PXK: variants seen among roughly 807,000 people sequenced by gnomAD.
PXK encodes PX domain-containing protein kinase-like protein.
Under a neutral mutation model 84.7 loss-of-function variants are expected in PXK, and 35 were observed. That is an observed-to-expected ratio of 0.41 (90% CI 0.32 to 0.55). The LOEUF (loss-of-function observed/expected upper bound fraction) is 0.55. Ranked by LOEUF, PXK falls within the 20% of genes least tolerant of loss-of-function variation. The pLI is 0.21. For missense variants in PXK, 634 were observed against 699.7 expected (o/e 0.91, Z 1.06); for synonymous variants, 253 against 260.8 (o/e 0.97, Z 0.29).
intron 1 of PXK, among the ~76,000 whole-genome samples, chr3:58,350,886 A>G (rs1484723093): frequency 6.6e-6 from 1 of 152,164 alleles, no homozygotes; most frequent in Non-Finnish European, 1.5e-5. Flanking sequence ...AGTAGGAAGG[A>G]TAGATTTATA....
intron 17 of PXK, among the ~76,000 whole-genome samples, chr3:58,415,349 G>A (rs9869276): frequency 0.07 from 10,693 of 152,232 alleles, 478 homozygotes; most frequent in South Asian, 0.1. Flanking sequence ...ACTTTTGACC[G>A]GCCAGCTTCA....
chr3:58,336,075 T>A (rs199895764), intron 1 of PXK, among the ~76,000 whole-genome samples: 4,592 of 43,748 alleles, frequency 0.1, 63 homozygotes, highest in East Asian at 0.13. Context: ...ATATATATTT[T>A]TTTTTTTTTT....
Position 58,400,608 on chromosome 3 carries a change from A to G in PXK, c.1181+1231A>G, listed in dbSNP as rs909250195. 6.6e-6 allele frequency among the ~76,000 whole-genome samples: 1 copy of G among 152,186 alleles called. No homozygotes were observed. The highest frequency in any genetic ancestry group is 2.4e-5 in the African/African-American group (1 of 41,446). ...AGCGTCTGTCGCCAAACCAGCAACCATTAATAATAATGTAATAATGTGGGC... is the reference window on the plus strand; with the variant it reads ...AGCGTCTGTCGCCAAACCAGCAACCGTTAATAATAATGTAATAATGTGGGC... On this transcript the variant is annotated intron_variant, in intron 12 of 17. Coordinates refer to ENST00000356151, the MANE Select transcript of PXK (RefSeq NM_017771.5). The surrounding 1 kb of genome is among the most constrained non-coding windows in gnomAD (Gnocchi z 4.0).
At chr3:58,386,079 G>A (rs755525991) in intron 4 of PXK, among the ~76,000 whole-genome samples, 7 of 152,120 alleles carry the variant, frequency 4.6e-5, no homozygotes, top group Non-Finnish European at 1.0e-4. Flanking sequence ...GCCTGGGACT[G>A]CTGAGCCTTT....
Position 58,333,288 on chromosome 3 carries a change from G to C in PXK, c.102+198G>C, listed in dbSNP as rs1176350953. 3.8e-6 allele frequency: 1 copy of C among 266,106 alleles called. No individual in the cohort carries two copies. Among genetic ancestry groups the C allele is most frequent in the East Asian group, 1.1e-4 (1 of 9,150 alleles). The allele number at this position is 266,106 out of a possible 1,614,324, so 16.5% of individuals were successfully genotyped here. A position where few individuals can be genotyped will look rare whatever the true frequency, so the allele number is the denominator to read the frequency against. ...GGGCCCAGGCGAACGCTGAGGCCCG[G>C]AGGGGCCAAGGATGGGGACCGCAGC... On this transcript the variant is annotated intron_variant, in intron 1 of 17. Transcript: ENST00000356151. The surrounding 1 kb of genome is among the most constrained non-coding windows in gnomAD (Gnocchi z 5.4).
At chr3:58,343,939 G>A (rs997519055) in intron 1 of PXK, among the ~76,000 whole-genome samples, 6 of 152,178 alleles carry the variant, frequency 3.9e-5, no homozygotes, top group Non-Finnish European at 8.8e-5. Context: ...GAGTATATCT[G>A]CCTCAAAGGT....
chr3:58,399,483 A>G lies in PXK; in HGVS notation c.1181+106A>G. On this transcript the variant is annotated intron_variant, in intron 12 of 17. Transcript: ENST00000356151. This position sits in a 1 kb window ranked among gnomAD's most constrained non-coding sequence, Gnocchi z 4.3. ...TAGTAAAGATTCTTGCGGTCCCTGC[A>G]GAGTTGGCGTGGCCTGCTTGCTGAT... 1 of 1,191,730 alleles carries G rather than the reference A, an allele frequency of 8.4e-7. No homozygotes were observed. The highest frequency in any genetic ancestry group is 2.0e-5 in the Admixed American group (1 of 50,900). The allele number at this position is 1,191,730 out of a possible 1,614,324, so 73.8% of individuals were successfully genotyped here. A position where few individuals can be genotyped will look rare whatever the true frequency, so the allele number is the denominator to read the frequency against.
chr3:58,342,644 A>AAAAAG (rs1160415648), intron 1 of PXK, among the ~76,000 whole-genome samples: 1 of 139,130 alleles, frequency 7.2e-6, no homozygotes, highest in Non-Finnish European at 1.6e-5. Context: ...CAAAAAAAAA[A>AAAAAG]AAAAAAAGAA....
In PXK at chr3:58,399,441, C is replaced by T; in HGVS notation, c.1181+64C>T. Reference sequence around the variant, plus strand: ...TATGTTGAACACCAGACCACTGTGTCCAAGCACCTGGTACTGTAGTAAAGA... The same window carrying T: ...TATGTTGAACACCAGACCACTGTGTTCAAGCACCTGGTACTGTAGTAAAGA... On this transcript the variant is annotated intron_variant, in intron 12 of 17. Transcript: ENST00000356151. This position sits in a 1 kb window ranked among gnomAD's most constrained non-coding sequence, Gnocchi z 4.3. The T allele has an allele frequency of 6.7e-7, 1 of 1,486,640 alleles. No homozygotes were observed. Among genetic ancestry groups the T allele is most frequent in the South Asian group, 1.2e-5 (1 of 86,558 alleles). 92.1% of individuals were successfully genotyped at this position (1,486,640 alleles called of 1,614,324 possible). A position where few individuals can be genotyped will look rare whatever the true frequency, so the allele number is the denominator to read the frequency against.
intron 3 of PXK, among the ~76,000 whole-genome samples, chr3:58,373,781 C>G (rs1044255279): frequency 1.3e-5 from 2 of 152,056 alleles, no homozygotes; most frequent in Admixed American, 1.3e-4. Context: ...CGTGGTGGCT[C>G]ACGCCTGTAA....
intron 17 of PXK, 123 bp downstream of exon 17, chr3:58,413,086 A>G (rs13071422): frequency 0.77 from 816,061 of 1,054,094 alleles, 317,043 homozygotes; most frequent in Middle Eastern, 0.8. Context: ...TCTCAAGAGA[A>G]ATCAGTGGGA....
At position 58,416,189 on chromosome 3, in the gene PXK, T is replaced by G. The variant is rs2060934879; in HGVS notation, c.1528+3226T>G. 6.6e-6 allele frequency among the ~76,000 whole-genome samples: 1 copy of G among 152,188 alleles called. No individual in the cohort carries two copies. On this transcript the variant is annotated intron_variant, in intron 17 of 17. Coordinates refer to ENST00000356151, the MANE Select transcript of PXK (RefSeq NM_017771.5). This position sits in a 1 kb window ranked among gnomAD's most constrained non-coding sequence, Gnocchi z 4.8. Reference sequence around the variant, plus strand: ...GACAACTCAGGGACATATGTTAAGATCTTATCTTTAGTTTCTATAGGGCAA... The same window carrying G: ...GACAACTCAGGGACATATGTTAAGAGCTTATCTTTAGTTTCTATAGGGCAA...
intron 1 of PXK, among the ~76,000 whole-genome samples, chr3:58,354,812 G>A (rs2098032935): frequency 6.6e-6 from 1 of 152,002 alleles, no homozygotes; most frequent in African/African-American, 2.4e-5. Context: ...ATCAACTGAG[G>A]AACATTTAAG....
intron 17 of PXK, 80 bp from the exon 18 acceptor site, chr3:58,424,672 T>A: frequency 6.5e-7 from 1 of 1,526,882 alleles, no homozygotes; most frequent in Non-Finnish European, 8.8e-7. Context: ...CACCAGTCCG[T>A]TGTGCTCAGG....
intron 2 of PXK, among the ~76,000 whole-genome samples, chr3:58,368,004 T>C (rs76537399): frequency 0.016 from 2,376 of 152,168 alleles, 69 homozygotes; most frequent in African/African-American, 0.055. Flanking sequence ...CTTCTTTTTT[T>C]AATTTTTAGT....
chr3:58,389,210 A>G (rs2098598074), intron 4 of PXK, among the ~76,000 whole-genome samples: 1 of 152,160 alleles, frequency 6.6e-6, no homozygotes, highest in Admixed American at 6.5e-5. Flanking sequence ...GACTTTCCAC[A>G]ATAGAACCAT....
intron 17 of PXK, chr3:58,423,421 G>C: frequency 6.6e-7 from 1 of 1,522,120 alleles, no homozygotes; most frequent in South Asian, 1.2e-5. Flanking sequence ...CAAGATTGCA[G>C]AGCATGAGCG....
At position 58,382,577 on chromosome 3, in the gene PXK, A is replaced by G. The variant is rs2098514032; in HGVS notation, c.265A>G (p.Ile89Val). 25 of 1,606,354 alleles carry G rather than the reference A, an allele frequency of 1.6e-5. 1 individual carries two copies. The East Asian group carries it at 5.4e-4, about 35-fold the overall frequency. Residue 89 changes from isoleucine to valine, a missense_variant, in exon 4 of 18, where the codon ATA (isoleucine) becomes GTA (valine). Ile to Val is a conservative substitution (Grantham distance 29, BLOSUM62 3). Transcript: ENST00000356151. The part of the protein sequence containing the change: ...KLIGNMDREF[I>V]AERQKGLQNY... ...GATTGGTAACATGGATCGTGAATTC[A>G]TAGCTGAAAGGCAGAAAGGTCTTCA... is the stretch of plus-strand genomic sequence containing the variant.
intron 3 of PXK, among the ~76,000 whole-genome samples, chr3:58,373,911 G>A (rs986920339): frequency 2.0e-5 from 3 of 151,898 alleles, no homozygotes; most frequent in Non-Finnish European, 2.9e-5. Flanking sequence ...AGGGCGTGGT[G>A]GCCGGCGCCT....
Sources: allele counts gnomAD v4.1 joint callset (sites outside exome capture counted in the v4.1 genomes callset), GRCh38; gene constraint gnomAD v4.1.1; non-coding constraint Gnocchi (gnomAD v3.1); transcripts MANE v1.5; gene names NCBI Gene and HGNC (gene_info 2026-07-23, HGNC 2026-07-21).